Variants in ADGRL4 observed in about 807,000 individuals in gnomAD.
The protein encoded by ADGRL4 is adhesion G protein-coupled receptor L4.
Under a neutral mutation model 74.8 loss-of-function variants are expected in ADGRL4, and 90 were observed. The ratio of observed to expected loss-of-function variants is 1.20; its 90% confidence interval spans 1.02 to 1.43. The LOEUF is 1.43. Ranked by LOEUF, ADGRL4 falls within the 40% of genes most tolerant of loss-of-function variation. ADGRL4 has a pLI of 0.00. For missense variants in ADGRL4, 881 were observed against 814.3 expected, an observed-to-expected ratio of 1.08 and a Z score of -1.00; for synonymous variants, 311 against 279.2, an observed-to-expected ratio of 1.11 and a Z score of -1.14.
At chr1:78,973,917 G>T (rs1232522003) in intron 2 of ADGRL4, among the ~76,000 whole-genome samples, 2 of 151,886 alleles carry the variant, frequency 1.3e-5, no homozygotes, top group Admixed American at 6.6e-5. Context: ...AAATCCTTTG[G>T]TAGTTATGGG....
chr1:78,948,421 T>C (rs1649655125), intron 2 of ADGRL4, among the ~76,000 whole-genome samples: 1 of 151,906 alleles, frequency 6.6e-6, no homozygotes, highest in African/African-American at 2.4e-5. Flanking sequence ...AATTTAAAAT[T>C]TAAAAAATTT....
At chr1:78,906,270 T>G (rs1436842970) in intron 12 of ADGRL4, among the ~76,000 whole-genome samples, 3 of 152,044 alleles carry the variant, frequency 2.0e-5, no homozygotes, top group Admixed American at 1.3e-4. Context: ...AATCCCATCC[T>G]AATACATAAT....
At chr1:78,962,886 G>A (rs1428675716) in intron 2 of ADGRL4, among the ~76,000 whole-genome samples, 4 of 151,818 alleles carry the variant, frequency 2.6e-5, no homozygotes, top group Non-Finnish European at 5.9e-5. Context: ...GATAAAATAG[G>A]GTGCCAATCT....
intron 3 of ADGRL4, among the ~76,000 whole-genome samples, chr1:78,940,234 A>G (rs919219625): frequency 6.6e-6 from 1 of 152,142 alleles, no homozygotes; most frequent in African/African-American, 2.4e-5. Flanking sequence ...TTCTTTCCAA[A>G]GCTTCATTTT....
At chr1:79,002,722 A>T (rs2100744375) in intron 2 of ADGRL4, among the ~76,000 whole-genome samples, 1 of 152,182 alleles carries the variant, frequency 6.6e-6, no homozygotes, top group South Asian at 2.1e-4. Flanking sequence ...CTTGACTATA[A>T]GGCCTCTGTT....
At chr1:78,891,493 C>T (rs773280974) in intron 14 of ADGRL4, 31 bp downstream of exon 14, 12 of 1,599,090 alleles carry the variant, frequency 7.5e-6, no homozygotes, top group Non-Finnish European at 1.0e-5. Context: ...CATGAATATA[C>T]TAGGAACCAC....
chr1:78,977,226 T>C (rs967114974), intron 2 of ADGRL4, among the ~76,000 whole-genome samples: 3 of 151,764 alleles, frequency 2.0e-5, no homozygotes, highest in African/African-American at 7.3e-5. Context: ...CAACATCCAC[T>C]CATGATTAAA....
At chr1:78,985,943 T>A (rs938301586) in intron 2 of ADGRL4, among the ~76,000 whole-genome samples, 1 of 151,828 alleles carries the variant, frequency 6.6e-6, no homozygotes, top group Non-Finnish European at 1.5e-5. Context: ...TAATGCCATG[T>A]TCTCCCTTAT....
intron 2 of ADGRL4, among the ~76,000 whole-genome samples, chr1:78,983,823 T>A (rs1035074786): frequency 6.6e-6 from 1 of 151,796 alleles, no homozygotes; most frequent in African/African-American, 2.4e-5. Flanking sequence ...AAAAGTAGAT[T>A]GCCTACGAAG....
At chr1:78,971,151 AT>A (rs1650158752) in intron 2 of ADGRL4, among the ~76,000 whole-genome samples, 1 of 152,092 alleles carries the variant, frequency 6.6e-6, no homozygotes, top group South Asian at 2.1e-4. Flanking sequence ...GAACCCTTAG[AT>A]AGGCCTCTAA....
At chr1:78,957,015 C>T (rs967753682) in intron 2 of ADGRL4, among the ~76,000 whole-genome samples, 5 of 152,112 alleles carry the variant, frequency 3.3e-5, no homozygotes, top group African/African-American at 9.7e-5. Context: ...TTCATGATCA[C>T]TATACTAGTT....
At chr1:78,920,889 A>G (rs1648983224) in intron 9 of ADGRL4, among the ~76,000 whole-genome samples, 1 of 151,870 alleles carries the variant, frequency 6.6e-6, no homozygotes, top group African/African-American at 2.4e-5. Flanking sequence ...TCCTAACTAG[A>G]TGAATACTTA....
At chr1:78,944,430 A>T (rs1296150159) in intron 3 of ADGRL4, among the ~76,000 whole-genome samples, 2 of 152,206 alleles carry the variant, frequency 1.3e-5, no homozygotes, top group African/African-American at 4.8e-5. Context: ...AAGAACAAAC[A>T]GTGAAGTACT....
chr1:78,961,502 G>C (rs1385057338), intron 2 of ADGRL4, among the ~76,000 whole-genome samples: 1 of 152,142 alleles, frequency 6.6e-6, no homozygotes, highest in Admixed American at 6.5e-5. Flanking sequence ...ATGAAAGACA[G>C]TTTGAACAAG....
chr1:78,899,371 T>C (rs921015383), intron 12 of ADGRL4, among the ~76,000 whole-genome samples: 2 of 152,174 alleles, frequency 1.3e-5, no homozygotes, highest in Non-Finnish European at 2.9e-5. Flanking sequence ...AGTATTTATT[T>C]TGAGACAGGT....
At chr1:78,960,701 TA>T (rs1649933742) in intron 2 of ADGRL4, among the ~76,000 whole-genome samples, 1 of 152,148 alleles carries the variant, frequency 6.6e-6, no homozygotes, top group African/African-American at 2.4e-5. Context: ...GTGATGGTAT[TA>T]GGAATTAGGA....
In ADGRL4 at chr1:78,936,275, T is replaced by A. The variant is rs1207645612; in HGVS notation, c.877+20A>T. ...TGCAAATTCATTGATATATTGTCTG[T>A]TAGATTGTTAAAGTCCTACCATTTG... On this transcript the variant is annotated intron_variant, in intron 7 of 14. Coordinates refer to ENST00000370742, the MANE Select transcript of ADGRL4 (RefSeq NM_022159.4). The A allele has an allele frequency of 6.3e-7, 1 of 1,581,992 alleles. No individual in the cohort carries two copies. Among genetic ancestry groups the A allele is most frequent in the East Asian group, 2.3e-5 (1 of 44,084 alleles).
rs376274683 is a variant in ADGRL4 at position 79,005,136 on chromosome 1, G to A, written c.106C>T (p.Arg36Cys). The A allele has an allele frequency of 7.4e-6, 12 of 1,613,150 alleles. No homozygotes were observed. The highest frequency in any genetic ancestry group is 3.3e-5 in the South Asian group (3 of 90,992). ...PCLPNAKCEI[R>C]NGIEACYCNM... is the part of the protein sequence containing the mutation. ...CAATAGCAGGCTTCAATTCCATTGCGTATTTCACATTTTGCATTTGGGAGA... is the reference window on the plus strand; with the variant it reads ...CAATAGCAGGCTTCAATTCCATTGCATATTTCACATTTTGCATTTGGGAGA... The change falls in exon 2 of 15, where the codon CGC becomes TGC. Residue 36 changes from arginine to cysteine, a missense_variant. Transcript: ENST00000370742.
chr1:78,926,233 T>C (rs1174415847), intron 8 of ADGRL4, among the ~76,000 whole-genome samples: 1 of 152,070 alleles, frequency 6.6e-6, no homozygotes, highest in Non-Finnish European at 1.5e-5. Context: ...TGAAATTCTG[T>C]TGAAAGTTTA....
Sources: gnomAD v4.1 joint callset for allele counts (sites outside exome capture counted in the v4.1 genomes callset) on GRCh38, gnomAD v4.1.1 for gene constraint, MANE v1.5 for transcripts, NCBI Gene and HGNC (gene_info 2026-07-23, HGNC 2026-07-21) for gene names.